CDH4: variants seen among roughly 807,000 people sequenced by gnomAD.
CDH4 encodes cadherin-4.
A neutral mutation model predicts 86.0 loss-of-function variants in CDH4; 33 were observed. The observed-to-expected ratio is 0.38, with a 90% CI of 0.29 to 0.51. CDH4 has a LOEUF of 0.51. Among genes scored for constraint, CDH4 ranks in the 20% least tolerant of loss-of-function variants. The probability of loss-of-function intolerance (pLI) is 0.86; values close to 1 mark genes in which losing one functional copy is unlikely to be tolerated. For missense variants in CDH4, 1,114 were observed against 1,307.4 expected (o/e 0.85, Z 2.28); for synonymous variants, 555 against 549.4 (o/e 1.01, Z -0.14).
At chr20:61,291,536 A>G (rs571740105) in intron 2 of CDH4, among the ~76,000 whole-genome samples, 1 of 152,316 alleles carries the variant, frequency 6.6e-6, no homozygotes, top group Admixed American at 6.5e-5. Context: ...TGCCTCCTTC[A>G]TGTAGGGTGA....
chr20:61,728,236 A>T lies in CDH4; in HGVS notation c.170-15327A>T, dbSNP rs182447914. On this transcript the variant is annotated intron_variant, in intron 2 of 15. Transcript: ENST00000614565. Reference sequence around the variant, plus strand: ...TGCAGGGGGTGCTTAACATCTAAGCATAACCACCTGTTTATGAGTAGACAT... The same window carrying T: ...TGCAGGGGGTGCTTAACATCTAAGCTTAACCACCTGTTTATGAGTAGACAT... Among the ~76,000 whole-genome samples the T allele has an allele frequency of 1.8e-3, 281 of 152,328 alleles. 1 individual carries two copies. The highest frequency in any genetic ancestry group is 3.2e-3 in the Non-Finnish European group (220 of 68,038).
rs554942718 is a variant in CDH4 at position 61,698,163 on chromosome 20, G to A, written c.170-45400G>A. ...CACCCTCGGAGGGGTCCCCTTGCAC[G>A]GGCTCCACTCCGGACGGTCCCTGAG... is the stretch of plus-strand genomic sequence containing the variant. On this transcript the variant is annotated intron_variant, in intron 2 of 15. Coordinates refer to ENST00000614565, the MANE Select transcript of CDH4 (RefSeq NM_001794.5). Among the ~76,000 whole-genome samples, 10 of 152,290 alleles carry A rather than the reference G, an allele frequency of 6.6e-5. No individual in the cohort carries two copies. In the South Asian group the frequency reaches 1.7e-3, roughly 25 times the overall value.
At position 61,862,963 on chromosome 20, in the gene CDH4, T is replaced by C. The variant is rs1002544662; in HGVS notation, c.877+10065T>C. 3.9e-5 allele frequency among the ~76,000 whole-genome samples: 6 copies of C among 152,148 alleles called. No individual in the cohort carries two copies. The East Asian group carries it at 1.2e-3, about 29-fold the overall frequency. The stretch of plus-strand genomic sequence containing the variant: ...CCGTTTATTTATTTATTTTCTTTCT[T>C]TGCCGGCAGAAGTCCCCCTGAGGTT... On this transcript the variant is annotated intron_variant, in intron 6 of 15. Coordinates refer to ENST00000614565, the MANE Select transcript of CDH4 (RefSeq NM_001794.5).
chr20:61,572,176 G>A (rs1448976966), intron 2 of CDH4, among the ~76,000 whole-genome samples: 2 of 152,154 alleles, frequency 1.3e-5, no homozygotes, highest in Admixed American at 6.5e-5. Context: ...TCTTGGGCTT[G>A]GGGCCAGTCA....
chr20:61,335,856 C>G (rs1568803108), intron 2 of CDH4, among the ~76,000 whole-genome samples: 1 of 152,156 alleles, frequency 6.6e-6, no homozygotes. Context: ...CTGGTTCTAC[C>G]CACTGATGAC....
intron 3 of CDH4, among the ~76,000 whole-genome samples, chr20:61,746,570 C>T (rs546640260): frequency 3.2e-4 from 48 of 152,322 alleles, no homozygotes; most frequent in African/African-American, 7.0e-4. Context: ...TGGCAGAGCC[C>T]GGCATGGCGC....
At chr20:61,405,156 TC>T (rs1183371705) in intron 2 of CDH4, among the ~76,000 whole-genome samples, 1 of 151,772 alleles carries the variant, frequency 6.6e-6, no homozygotes, top group Non-Finnish European at 1.5e-5. Context: ...TGTGGAGAGG[TC>T]CTCCATCCCC....
chr20:61,661,165 A>C (rs1011897208), intron 2 of CDH4, among the ~76,000 whole-genome samples: 1 of 147,032 alleles, frequency 6.8e-6, no homozygotes, highest in Admixed American at 7.0e-5. Flanking sequence ...CCTGCTCCCC[A>C]AGCTCCACCT....
chr20:61,463,350 G>C (rs1242855928), intron 2 of CDH4, among the ~76,000 whole-genome samples: 1 of 152,234 alleles, frequency 6.6e-6, no homozygotes, highest in African/African-American at 2.4e-5. Flanking sequence ...AATCCAGGCA[G>C]ATCTCTACAG....
chr20:61,662,385 A>G (rs779323674), intron 2 of CDH4, among the ~76,000 whole-genome samples: 2 of 152,210 alleles, frequency 1.3e-5, no homozygotes, highest in Non-Finnish European at 2.9e-5. Flanking sequence ...GTGCTGTCCA[A>G]TTAATGATGA....
intron 2 of CDH4, among the ~76,000 whole-genome samples, chr20:61,673,561 T>C (rs1464642091): frequency 6.6e-6 from 1 of 152,200 alleles, no homozygotes. Flanking sequence ...TACATCTTTG[T>C]TAAGGTCTCA....
intron 2 of CDH4, among the ~76,000 whole-genome samples, chr20:61,326,293 A>T (rs527247139): frequency 6.6e-6 from 1 of 152,328 alleles, no homozygotes; most frequent in Admixed American, 6.5e-5. Context: ...GGATTGAGTG[A>T]CCTGTTTGAA....
At chr20:61,602,976 G>A (rs1028379377) in intron 2 of CDH4, among the ~76,000 whole-genome samples, 6 of 152,236 alleles carry the variant, frequency 3.9e-5, no homozygotes, top group East Asian at 3.9e-4. Context: ...CAGCTCCTGC[G>A]TGATCTGCAG....
intron 4 of CDH4, among the ~76,000 whole-genome samples, chr20:61,825,966 G>T (rs973540167): frequency 2.6e-5 from 4 of 152,180 alleles, no homozygotes; most frequent in Admixed American, 2.0e-4. Flanking sequence ...CTTCCGAACA[G>T]ATCTAGAATA....
chr20:61,449,926 A>T (rs976574754), intron 2 of CDH4, among the ~76,000 whole-genome samples: 13 of 152,254 alleles, frequency 8.5e-5, no homozygotes, highest in Admixed American at 2.0e-4. Flanking sequence ...TCCTATCATC[A>T]GATGGGTAAA....
intron 4 of CDH4, among the ~76,000 whole-genome samples, chr20:61,798,041 C>T (rs1467554344): frequency 6.6e-6 from 1 of 152,224 alleles, no homozygotes; most frequent in Non-Finnish European, 1.5e-5. Context: ...TCCAGCCTCA[C>T]TGAGCGTCCA....
rs115882318 is a variant in CDH4 at position 61,565,215 on chromosome 20, C to A, written c.170-178348C>A. ...CTCTTGGTGGTGGTCGCGGTGCTCT[C>A]GGTGGTAGGTGGTGGTGGTGGTGGT... On this transcript the variant is annotated intron_variant, in intron 2 of 15. Transcript: ENST00000614565. 7.8e-4 allele frequency among the ~76,000 whole-genome samples: 32 copies of A among 41,184 alleles called. 4 individuals carry two copies. The highest frequency in any genetic ancestry group is 7.3e-3 in the South Asian group (8 of 1,092). The allele number at this position is 41,184 out of a possible 152,430, so 27.0% of individuals were successfully genotyped here.
intron 2 of CDH4, among the ~76,000 whole-genome samples, chr20:61,318,764 G>A (rs983898913): frequency 6.6e-6 from 1 of 152,272 alleles, no homozygotes; most frequent in African/African-American, 2.4e-5. Flanking sequence ...GTTTGGCACA[G>A]AGAGAGTAAT....
intron 3 of CDH4, among the ~76,000 whole-genome samples, chr20:61,766,175 C>T (rs545408186): frequency 2.0e-5 from 3 of 151,728 alleles, no homozygotes; most frequent in Non-Finnish European, 4.4e-5. Context: ...CAGTCCCTGA[C>T]CCTCCCCTCC....
Sources: gnomAD v4.1 joint callset for allele counts (sites outside exome capture counted in the v4.1 genomes callset) on GRCh38, gnomAD v4.1.1 for gene constraint, MANE v1.5 for transcripts, NCBI Gene and HGNC (gene_info 2026-07-23, HGNC 2026-07-21) for gene names.